Variants in CGGBP1 observed in about 807,000 individuals in gnomAD.
The protein encoded by CGGBP1 is CGG triplet repeat binding protein 1, also known as CGG triplet repeat-binding protein 1.
CGGBP1 carries 4 observed loss-of-function variants against 11.4 expected under a neutral mutation model. The ratio of observed to expected loss-of-function variants is 0.35; its 90% CI spans 0.17 to 0.80. The LOEUF (loss-of-function observed/expected upper bound fraction) is 0.80. Among genes scored for constraint, CGGBP1 ranks in the 30% least tolerant of loss-of-function variants. The pLI, the probability that CGGBP1 is intolerant of heterozygous loss-of-function variation, is 0.52. For synonymous variants in CGGBP1, 76 were observed against 74.1 expected, an observed-to-expected ratio of 1.03 and a Z score of -0.13; for missense variants, 135 against 202.1, an observed-to-expected ratio of 0.67 and a Z score of 2.01.
At chr3:88,098,775 TCAA>T (rs1427629879) in intron 2 of CGGBP1, among the ~76,000 whole-genome samples, 1 of 152,100 alleles carries the variant, frequency 6.6e-6, no homozygotes, top group African/African-American at 2.4e-5. Flanking sequence ...TTGACAAAAT[TCAA>T]CAACACTTCA....
At chr3:88,074,297 C>G (rs988858435) in intron 2 of CGGBP1, among the ~76,000 whole-genome samples, 5 of 151,704 alleles carry the variant, frequency 3.3e-5, no homozygotes, top group Non-Finnish European at 7.4e-5. Context: ...CTTCTTTTAG[C>G]CCTCTAAAGG....
chr3:88,131,631 C>T (rs1706470327), intron 2 of CGGBP1, among the ~76,000 whole-genome samples: 1 of 152,072 alleles, frequency 6.6e-6, no homozygotes, highest in African/African-American at 2.4e-5. Flanking sequence ...TGGCTCCTGG[C>T]CACAGAAACC....
intron 3 of CGGBP1, chr3:88,056,798 ATT>A (rs1706553576): frequency 6.6e-6 from 1 of 152,210 alleles, no homozygotes; most frequent in Non-Finnish European, 1.5e-5. Context: ...CTCAATTAAA[ATT>A]TGATGGAAAA....
Position 88,053,967 on chromosome 3 carries a change from A to T in CGGBP1, c.*1506T>A, listed in dbSNP as rs1706485389. Reference sequence around the variant, plus strand: ...TAATGAAAACAAATCTCTGAAGTCAAATGGCCAGTTTGACAACCTGAATTA... The same window carrying T: ...TAATGAAAACAAATCTCTGAAGTCATATGGCCAGTTTGACAACCTGAATTA... On this transcript the variant is annotated 3_prime_UTR_variant, in exon 4 of 4. Transcript: ENST00000482016. 6.6e-6 allele frequency: 1 copy of T among 152,578 alleles called. No individual in the cohort carries two copies. Among genetic ancestry groups the T allele is most frequent in the East Asian group, 1.9e-4 (1 of 5,204 alleles). The allele number at this position is 152,578 out of a possible 1,614,324, so 9.5% of individuals were successfully genotyped here.
intron 2 of CGGBP1, among the ~76,000 whole-genome samples, chr3:88,117,244 C>T (rs1705468848): frequency 6.6e-6 from 1 of 152,090 alleles, no homozygotes; most frequent in African/African-American, 2.4e-5. Context: ...TACTTACAGA[C>T]ATAACTTGAT....
intron 2 of CGGBP1, among the ~76,000 whole-genome samples, chr3:88,092,170 G>T (rs1158047487): frequency 1.3e-5 from 2 of 151,990 alleles, no homozygotes; most frequent in Non-Finnish European, 2.9e-5. Context: ...CAACATGTTG[G>T]TCCTACTAAA....
intron 2 of CGGBP1, chr3:88,086,515 G>T: frequency 3.2e-6 from 3 of 949,196 alleles, no homozygotes; most frequent in Non-Finnish European, 4.3e-6. Context: ...CCCTCAAAAA[G>T]AAATGTTTAT....
intron 2 of CGGBP1, among the ~76,000 whole-genome samples, chr3:88,069,964 G>A (rs752175679): frequency 1.3e-5 from 2 of 152,132 alleles, no homozygotes; most frequent in Non-Finnish European, 2.9e-5. Context: ...CAATGGATGT[G>A]TTTTTTTGGC....
chr3:88,101,494 GA>G (rs1466035074), intron 2 of CGGBP1, among the ~76,000 whole-genome samples: 1 of 152,180 alleles, frequency 6.6e-6, no homozygotes, highest in East Asian at 1.9e-4. Context: ...TAATGTTCTT[GA>G]GGTTTACCTA....
chr3:88,092,281 A>G (rs1031998815), intron 2 of CGGBP1, among the ~76,000 whole-genome samples: 1 of 152,222 alleles, frequency 6.6e-6, no homozygotes, highest in Non-Finnish European at 1.5e-5. Flanking sequence ...TATTCTGTAA[A>G]GCTCTGCTTG....
At chr3:88,106,985 C>T (rs1704781197) in intron 2 of CGGBP1, among the ~76,000 whole-genome samples, 1 of 152,072 alleles carries the variant, frequency 6.6e-6, no homozygotes, top group Non-Finnish European at 1.5e-5. Flanking sequence ...GTTCGTGTGC[C>T]AACACAATGT....
upstream of CGGBP1, chr3:88,059,316 C>G: frequency 6.5e-7 from 1 of 1,533,392 alleles, no homozygotes; most frequent in Non-Finnish European, 8.7e-7. Flanking sequence ...GCGGCGAGAG[C>G]CTCATGGCGG....
intron 2 of CGGBP1, among the ~76,000 whole-genome samples, chr3:88,136,769 CA>C (rs1258074410): frequency 1.3e-5 from 2 of 152,072 alleles, no homozygotes; most frequent in Non-Finnish European, 2.9e-5. Context: ...TTTCATTGAA[CA>C]AATTGAAAAT....
At chr3:88,100,228 A>G (rs974477367) in intron 2 of CGGBP1, among the ~76,000 whole-genome samples, 1 of 152,258 alleles carries the variant, frequency 6.6e-6, no homozygotes, top group African/African-American at 2.4e-5. Flanking sequence ...AAAAATGCTC[A>G]TCATCACTGG....
intron 2 of CGGBP1, among the ~76,000 whole-genome samples, chr3:88,067,419 G>T (rs866170224): frequency 6.6e-6 from 1 of 152,194 alleles, no homozygotes; most frequent in Non-Finnish European, 1.5e-5. Context: ...TATCATAGCC[G>T]TGTGGATGGT....
intron 2 of CGGBP1, among the ~76,000 whole-genome samples, chr3:88,068,056 T>C (rs1468832293): frequency 6.6e-6 from 1 of 152,098 alleles, no homozygotes; most frequent in Non-Finnish European, 1.5e-5. Flanking sequence ...GGTGTTGCTT[T>C]ATATAGGAGT....
chr3:88,122,868 G>C (rs1705855148), intron 2 of CGGBP1, among the ~76,000 whole-genome samples: 1 of 151,834 alleles, frequency 6.6e-6, no homozygotes, highest in Non-Finnish European at 1.5e-5. Context: ...AAATTAGCTA[G>C]GCATGGTGGT....
intron 2 of CGGBP1, among the ~76,000 whole-genome samples, chr3:88,064,419 A>C (rs762197830): frequency 6.6e-5 from 10 of 152,092 alleles, no homozygotes; most frequent in Non-Finnish European, 1.5e-4. Flanking sequence ...TTTGTGTCCA[A>C]ATGTTCAGTG....
At chr3:88,068,987 C>G (rs1208245195) in intron 2 of CGGBP1, among the ~76,000 whole-genome samples, 3 of 152,038 alleles carry the variant, frequency 2.0e-5, no homozygotes, top group Non-Finnish European at 4.4e-5. Context: ...TATACTGTAG[C>G]TTACTAAAGC....
Sources: allele counts gnomAD v4.1 joint callset (sites outside exome capture counted in the v4.1 genomes callset), GRCh38; gene constraint gnomAD v4.1.1; transcripts MANE v1.5; gene names NCBI Gene and HGNC (gene_info 2026-07-23, HGNC 2026-07-21).